The following ADAMTSL2 variants were observed in gnomAD, a reference collection of about 807,000 sequenced individuals.
ADAMTSL2 encodes ADAMTS like 2.
ADAMTSL2 carries 55 observed loss-of-function variants against 117.0 expected under a neutral mutation model. That is an observed-to-expected ratio of 0.47 (90% CI 0.38 to 0.59). ADAMTSL2 has a LOEUF of 0.59. Ranked by LOEUF, ADAMTSL2 falls within the 20% of genes least tolerant of loss-of-function variation. ADAMTSL2 has a pLI of 0.00. For missense variants in ADAMTSL2, 1,182 were observed against 1,354.5 expected, an observed-to-expected ratio of 0.87 and a Z score of 2.00; for synonymous variants, 572 against 566.4, an observed-to-expected ratio of 1.01 and a Z score of -0.14.
intron 3 of ADAMTSL2, 133 bp downstream of exon 3, chr9:133,537,680 A>G (rs888905694): frequency 1.9e-6 from 2 of 1,068,032 alleles, no homozygotes; most frequent in African/African-American, 3.3e-5. Context: ...GCACAGGCTG[A>G]GTCCCCCCAT....
In ADAMTSL2 at chr9:133,568,498, C is replaced by A; in HGVS notation, c.2088+12C>A. On this transcript the variant is annotated intron_variant, in intron 14 of 18. Transcript: ENST00000651351. ...CGGAGTGGTCCGAGGTGAGTGCCTG[C>A]GGGAGCAAGCCGGGGGTCGGGAAGA... 1.3e-6 allele frequency: 2 copies of A among 1,593,126 alleles called. No homozygotes were observed. Among genetic ancestry groups the A allele is most frequent in the Non-Finnish European group, 1.7e-6 (2 of 1,170,810 alleles).
chr9:133,564,641 G>GAGAGA (rs1830913256), intron 12 of ADAMTSL2, among the ~76,000 whole-genome samples: 1 of 13,096 alleles, frequency 7.6e-5, no homozygotes, highest in Non-Finnish European at 1.4e-4. Context: ...AGAGAGAGAG[G>GAGAGA]GAGAGAGGGA....
chr9:133,533,526 G>A (rs938357987), upstream of ADAMTSL2, among the ~76,000 whole-genome samples: 1 of 152,192 alleles, frequency 6.6e-6, no homozygotes, highest in African/African-American at 2.4e-5. Context: ...GATCATAAAG[G>A]TGGATCTGGC....
intron 11 of ADAMTSL2, among the ~76,000 whole-genome samples, chr9:133,560,233 C>T (rs1252761864): frequency 6.6e-6 from 1 of 152,216 alleles, no homozygotes; most frequent in Non-Finnish European, 1.5e-5. Context: ...CTAGCCAGCC[C>T]CTCTGGGCCC....
chr9:133,550,545 C>T (rs922824858), intron 9 of ADAMTSL2, among the ~76,000 whole-genome samples: 1 of 152,112 alleles, frequency 6.6e-6, no homozygotes, highest in Non-Finnish European at 1.5e-5. Context: ...CTTCTGTGGG[C>T]AGGAAAGGCA....
chr9:133,565,497 G>A (rs72619331), intron 12 of ADAMTSL2, among the ~76,000 whole-genome samples: 17,622 of 152,214 alleles, frequency 0.12, 1,504 homozygotes, highest in East Asian at 0.48. Flanking sequence ...CTGAGGCTTG[G>A]AACATTCCAA....
chr9:133,537,450 A>G lies in ADAMTSL2; in HGVS notation c.136A>G (p.Thr46Ala). 1 of 1,351,466 alleles carries G rather than the reference A, an allele frequency of 7.4e-7. No homozygotes were observed. Among genetic ancestry groups the G allele is most frequent in the Non-Finnish European group, 9.6e-7 (1 of 1,043,204 alleles). The allele number at this position is 1,351,466 out of a possible 1,614,324, so 83.7% of individuals were successfully genotyped here. A position where few individuals can be genotyped will look rare whatever the true frequency, so the allele number is the denominator to read the frequency against. ...TAGCCTGGAGGGGGGCACCGACGCC[A>G]CGGCCTTCTGGTGGGGGGAGTGGAC... ...SNSLEGGTDA[T>A]AFWWGEWTKW... The change falls in exon 3 of 19, where the codon ACG (threonine) becomes GCG (alanine). Residue 46 changes from threonine to alanine, a missense_variant. Thr to Ala is a moderately conservative substitution (Grantham distance 58). Coordinates refer to ENST00000651351, the MANE Select transcript of ADAMTSL2 (RefSeq NM_014694.4).
In ADAMTSL2 at chr9:133,555,922, C is replaced by T. The variant is rs7868941; in HGVS notation, c.1641C>T (p.His547=). The T allele has an allele frequency of 0.16, 251,064 of 1,611,306 alleles. 21,146 individuals carry two copies. The highest frequency in any genetic ancestry group is 0.22 in the Middle Eastern group (1,238 of 5,586). The part of the protein sequence containing the change: ...SLLTSAGNRT[H]KARTRPKARK... ...TCACCTCGGCCGGGAACAGGACTCA[C>T]AAGGCCAGGTAGGAGGCACTTTCCT... The change falls in exon 11 of 19, where the codon CAC becomes CAT. Residue 547 remains histidine, a synonymous_variant. Coordinates refer to ENST00000651351, the MANE Select transcript of ADAMTSL2 (RefSeq NM_014694.4).
At position 133,538,380 on chromosome 9, in the gene ADAMTSL2, A is replaced by T. The variant is rs1830105558; in HGVS notation, c.265A>T (p.Thr89Ser). The change falls in exon 4 of 19, where the codon ACC (threonine) becomes TCC (serine). Residue 89 changes from threonine (T) to serine (S), a missense_variant. Around this residue, in one of 3 missense-constraint regions of ADAMTSL2, gnomAD observed 372 missense variants for 463.4 expected, o/e 0.80. Transcript: ENST00000651351. ...GTCCGTCCCGGGCCCCGGGAACAGG[A>T]CCTGCACGGGCACGTCCAAGCGGTA... Reference protein sequence around the residue: ...RKSVPGPGNRTCTGTSKRYQL... With the variant: ...RKSVPGPGNRSCTGTSKRYQL... 6.2e-7 allele frequency: 1 copy of T among 1,613,120 alleles called. No homozygotes were observed. Among genetic ancestry groups the T allele is most frequent in the African/African-American group, 1.3e-5 (1 of 74,912 alleles).
At chr9:133,536,049 G>C (rs367784046) in intron 1 of ADAMTSL2, among the ~76,000 whole-genome samples, 1 of 152,182 alleles carries the variant, frequency 6.6e-6, no homozygotes, top group Non-Finnish European at 1.5e-5. Flanking sequence ...TTCTCTCCGG[G>C]GATCGGGAGG....
chr9:133,537,709 G>T (rs1830086773), intron 3 of ADAMTSL2, among the ~76,000 whole-genome samples, 162 bp downstream of exon 3: 1 of 152,212 alleles, frequency 6.6e-6, no homozygotes, highest in East Asian at 1.9e-4. Context: ...GCTGGACGCG[G>T]CTATGGATGG....
Position 133,534,836 on chromosome 9 carries a change from AC to A in ADAMTSL2, c.-231del. The stretch of plus-strand genomic sequence containing the variant: ...GCCTCTGCACTCACGCCGCCCCCGC[AC>A]GCACAGCGCACCTGGCGCCGTCTGC... On this transcript the variant is annotated 5_prime_UTR_variant, in exon 1 of 19. The change creates a premature stop within an existing upstream ORF in the 5' untranslated region. Transcript: ENST00000651351. 2 of 1,498,930 alleles carry A rather than the reference AC, an allele frequency of 1.3e-6. No homozygotes were observed. The highest frequency in any genetic ancestry group is 5.6e-5 in the East Asian group (2 of 35,692). The allele number at this position is 1,498,930 out of a possible 1,614,324, so 92.9% of individuals were successfully genotyped here.
At position 133,536,581 on chromosome 9, in the gene ADAMTSL2, G is replaced by T; in HGVS notation, c.-132G>T. The T allele has an allele frequency of 6.3e-7, 1 of 1,597,082 alleles. No individual in the cohort carries two copies. Among genetic ancestry groups the T allele is most frequent in the South Asian group, 1.1e-5 (1 of 89,432 alleles). The stretch of plus-strand genomic sequence containing the variant: ...CCAACAGGGTCTGCCAGACAACCAC[G>T]ACCAACTAGTCCCAGATAACCTTGA... On this transcript the variant is annotated 5_prime_UTR_variant, in exon 2 of 19. Transcript: ENST00000651351.
intron 11 of ADAMTSL2, among the ~76,000 whole-genome samples, chr9:133,556,664 T>G (rs1830611401): frequency 6.6e-6 from 1 of 152,134 alleles, no homozygotes; most frequent in African/African-American, 2.4e-5. Context: ...CAGCCATGTC[T>G]GGGGGCAGCC....
At chr9:133,561,731 C>G (rs1278480033) in intron 12 of ADAMTSL2, among the ~76,000 whole-genome samples, 1 of 152,162 alleles carries the variant, frequency 6.6e-6, no homozygotes, top group Non-Finnish European at 1.5e-5. Flanking sequence ...AGGACCTCAT[C>G]AGCAGGGGAG....
At chr9:133,559,351 AT>A (rs369151881) in intron 11 of ADAMTSL2, among the ~76,000 whole-genome samples, 2,834 of 91,254 alleles carry the variant, frequency 0.031, 42 homozygotes, top group African/African-American at 0.1. Flanking sequence ...ACCCACCCCC[AT>A]TTTTTTTTTT....
Position 133,540,649 on chromosome 9 carries a change from T to C in ADAMTSL2, c.464T>C (p.Val155Ala), listed in dbSNP as rs1367713593. ...CCGTGTGACCTGCACTGTACCACCG[T>C]GGACGGCCAGCGGCAGCTCATGGTC... Reference protein sequence around the residue: ...SKPCDLHCTTVDGQRQLMVPA... With the variant: ...SKPCDLHCTTADGQRQLMVPA... Residue 155 changes from valine to alanine, a missense_variant, in exon 6 of 19, where the codon GTG becomes GCG. Physicochemically the swap from Val to Ala is moderately conservative, Grantham distance 64. Around this residue, in one of 3 missense-constraint regions of ADAMTSL2, gnomAD observed 372 missense variants for 463.4 expected, o/e 0.80. Coordinates refer to ENST00000651351, the MANE Select transcript of ADAMTSL2 (RefSeq NM_014694.4). 4 of 1,613,756 alleles carry C rather than the reference T, an allele frequency of 2.5e-6. No individual in the cohort carries two copies. The South Asian group carries it at 4.4e-5, about 18-fold the overall frequency.
chr9:133,557,438 C>G lies in ADAMTSL2; in HGVS notation c.1649+1508C>G, dbSNP rs1168673025. On this transcript the variant is annotated intron_variant, in intron 11 of 18. Transcript: ENST00000651351. This position sits in a 1 kb window ranked among gnomAD's most constrained non-coding sequence, Gnocchi z 5.2. ...CACAGGGCTGTCTGCTCACCCTTTA[C>G]CTTGGCATGCTCAAAGCCTTGGGTA... Among the ~76,000 whole-genome samples, 8 of 152,176 alleles carry G rather than the reference C, an allele frequency of 5.3e-5. No individual in the cohort carries two copies. Among genetic ancestry groups the G allele is most frequent in the Non-Finnish European group, 1.0e-4 (7 of 68,030 alleles).
intron 2 of ADAMTSL2, among the ~76,000 whole-genome samples, chr9:133,537,017 G>A (rs1302053269): frequency 3.3e-5 from 5 of 152,230 alleles, no homozygotes; most frequent in East Asian, 1.9e-4. Flanking sequence ...CTTGGCAGGC[G>A]AGGGCTGAGG....
Sources: allele counts gnomAD v4.1 joint callset (sites outside exome capture counted in the v4.1 genomes callset), GRCh38; gene constraint gnomAD v4.1.1; regional missense constraint gnomAD v4.1.1; non-coding constraint Gnocchi (gnomAD v3.1); transcripts MANE v1.5; gene names NCBI Gene and HGNC (gene_info 2026-07-23, HGNC 2026-07-21).